The following RTCA variants were observed in gnomAD, a reference collection of about 807,000 sequenced individuals.
RTCA encodes RNA 3'-terminal phosphate cyclase.
Under a neutral mutation model 46.1 loss-of-function variants are expected in RTCA, and 37 were observed. The observed-to-expected ratio is 0.80, with a 90% CI of 0.62 to 1.06. RTCA has a LOEUF of 1.06. RTCA is among the 50% of genes least tolerant of loss of function. The pLI, the probability that RTCA is intolerant of heterozygous loss-of-function variation, is 0.00. For synonymous variants in RTCA, 164 were observed against 158.3 expected (o/e 1.04, Z -0.27); for missense variants, 435 against 455.5 (o/e 0.95, Z 0.41).
At chr1:100,278,312 A>G (rs1013153592) in intron 8 of RTCA, among the ~76,000 whole-genome samples, 1 of 152,244 alleles carries the variant, frequency 6.6e-6, no homozygotes, top group Non-Finnish European at 1.5e-5. Flanking sequence ...TTTTTGTGAA[A>G]GGGAAATTTG....
chr1:100,275,213 G>C (rs1666308818), intron 6 of RTCA, among the ~76,000 whole-genome samples: 1 of 152,112 alleles, frequency 6.6e-6, no homozygotes, highest in Admixed American at 6.5e-5. Context: ...ATAAAGATGG[G>C]AACACTGGGG....
At chr1:100,285,385 A>G (rs1666966611) in intron 9 of RTCA, 63 bp downstream of exon 9, 1 of 1,083,274 alleles carries the variant, frequency 9.2e-7, no homozygotes, top group African/African-American at 1.6e-5. Flanking sequence ...GGTAGATTGA[A>G]TATCAATTTA....
rs1666442856 is a variant in RTCA, at chr1:100,277,255, T to C, written c.741-3T>C. On this transcript the variant is annotated splice_polypyrimidine_tract_variant and splice_region_variant and intron_variant, in intron 7 of 10. Coordinates refer to ENST00000370128, the MANE Select transcript of RTCA (RefSeq NM_003729.4). ...GGTAGTAATAACTTTTTTTCTTGCA[T>C]AGAATTATTGCTGAGACCTCCACTG... 6.2e-7 allele frequency: 1 copy of C among 1,613,088 alleles called. No homozygotes were observed. The highest frequency in any genetic ancestry group is 1.3e-5 in the African/African-American group (1 of 74,876).
intron 4 of RTCA, among the ~76,000 whole-genome samples, chr1:100,273,049 GCT>G (rs1666184245): frequency 6.6e-6 from 1 of 152,148 alleles, no homozygotes; most frequent in Non-Finnish European, 1.5e-5. Context: ...AGAATGGAAT[GCT>G]CTTCACCAAT....
At chr1:100,268,643 C>T (rs981014973) in intron 3 of RTCA, among the ~76,000 whole-genome samples, 5 of 152,158 alleles carry the variant, frequency 3.3e-5, no homozygotes, top group South Asian at 2.1e-4. Flanking sequence ...AATCCACCCA[C>T]GTTGGCCTCC....
rs573006381 is a variant in RTCA at position 100,278,674 on chromosome 1, C to CA, written c.799+1366dup. Among the ~76,000 whole-genome samples, 20 of 151,972 alleles carry CA rather than the reference C, an allele frequency of 1.3e-4. No individual in the cohort carries two copies. The East Asian group carries it at 2.1e-3, about 16-fold the overall frequency. ...TAAGCCACACTATTACTACTGAATA[C>CA]AAAAAAAATTAGGAATTCTTCAGTT... On this transcript the variant is annotated intron_variant, in intron 8 of 10. Coordinates refer to ENST00000370128, the MANE Select transcript of RTCA (RefSeq NM_003729.4).
At chr1:100,272,010 A>C (rs1408755717) in intron 4 of RTCA, among the ~76,000 whole-genome samples, 1 of 152,192 alleles carries the variant, frequency 6.6e-6, no homozygotes, top group Admixed American at 6.5e-5. Flanking sequence ...TTGTATCTGC[A>C]ATGAAAACTT....
intron 8 of RTCA, among the ~76,000 whole-genome samples, chr1:100,283,572 G>C (rs188693957): frequency 1.3e-5 from 2 of 152,170 alleles, no homozygotes; most frequent in East Asian, 3.9e-4. Flanking sequence ...TTATGTACTA[G>C]TCTGGGTAAT....
chr1:100,267,011 C>G (rs941770215), intron 2 of RTCA: 7 of 250,088 alleles, frequency 2.8e-5, no homozygotes, highest in African/African-American at 1.3e-4. Flanking sequence ...CATTCTGGTT[C>G]TGCTGTCAGT....
intron 4 of RTCA, among the ~76,000 whole-genome samples, chr1:100,272,826 A>G (rs1417802824): frequency 2.0e-5 from 3 of 152,236 alleles, no homozygotes; most frequent in Admixed American, 1.3e-4. Flanking sequence ...ATTTGAACAG[A>G]GCATTATATA....
At chr1:100,290,253 A>C (rs765442885) in intron 10 of RTCA, among the ~76,000 whole-genome samples, 1 of 151,868 alleles carries the variant, frequency 6.6e-6, no homozygotes. Context: ...AACTTAACCT[A>C]TTTAATTGTT....
At chr1:100,271,349 C>T (rs977704835) in intron 4 of RTCA, among the ~76,000 whole-genome samples, 1 of 152,028 alleles carries the variant, frequency 6.6e-6, no homozygotes, top group African/African-American at 2.4e-5. Context: ...TGGTGGTGCA[C>T]ACCTGTCCAA....
rs754256712 is a variant in RTCA, at chr1:100,266,353, G to C, written c.-23G>C. The C allele has an allele frequency of 1.2e-6, 2 of 1,607,196 alleles. No homozygotes were observed. The highest frequency in any genetic ancestry group is 1.7e-6 in the Non-Finnish European group (2 of 1,178,240). On this transcript the variant is annotated 5_prime_UTR_variant, in exon 1 of 11. Coordinates refer to ENST00000370128, the MANE Select transcript of RTCA (RefSeq NM_003729.4). ...CTCTGGCGGAGGCTTTGTCGCTGCG[G>C]GCTGGGCCCCAGGGTGTCCCCCATG...
intron 7 of RTCA, among the ~76,000 whole-genome samples, chr1:100,276,564 C>T (rs1423671644): frequency 6.6e-6 from 1 of 152,056 alleles, no homozygotes; most frequent in Non-Finnish European, 1.5e-5. Flanking sequence ...GTAGTCCCAG[C>T]TACTTGGGAG....
At chr1:100,267,632 A>G in intron 2 of RTCA, 1 of 1,309,656 alleles carries the variant, frequency 7.6e-7, no homozygotes, top group Non-Finnish European at 1.0e-6. Context: ...CCTTGCCCCT[A>G]GCGTCTCTGT....
intron 2 of RTCA, chr1:100,266,981 A>T: frequency 6.8e-6 from 2 of 293,586 alleles, no homozygotes; most frequent in South Asian, 7.0e-5. Context: ...GCCAGAGGAA[A>T]CCCTGTTTTA....
intron 8 of RTCA, among the ~76,000 whole-genome samples, chr1:100,282,972 A>C (rs959531286): frequency 3.3e-5 from 5 of 149,408 alleles, no homozygotes; most frequent in African/African-American, 9.9e-5. Flanking sequence ...ATGCCTGGCT[A>C]TTTTAGTAGA....
intron 4 of RTCA, 51 bp downstream of exon 4, chr1:100,270,731 A>C: frequency 6.3e-7 from 1 of 1,592,844 alleles, no homozygotes; most frequent in Non-Finnish European, 8.6e-7. Flanking sequence ...CATGCTTCTG[A>C]GTCTCCATTC....
rs1209440401 is a variant in RTCA at position 100,275,634 on chromosome 1, C to A, written c.651C>A (p.Cys217Ter). Residue 217 changes from cysteine to a stop codon, truncating the protein, a stop_gained, in exon 7 of 11, where the codon TGC (cysteine) becomes TGA (stop). Coordinates refer to ENST00000370128, the MANE Select transcript of RTCA (RefSeq NM_003729.4). LOFTEE classifies it high-confidence loss of function. ...ATATGGCAGCGGCAGCAGTTAGATG[C>A]ATCAGAAAGGAGATCCGGGATTTGT... ...AKDMAAAAVR[C>*]IRKEIRDLYV... The A allele has an allele frequency of 1.9e-6, 3 of 1,611,536 alleles. No individual in the cohort carries two copies. The highest frequency in any genetic ancestry group is 8.5e-7 in the Non-Finnish European group (1 of 1,178,686).
Sources: allele counts gnomAD v4.1 joint callset (sites outside exome capture counted in the v4.1 genomes callset), GRCh38; gene constraint gnomAD v4.1.1; transcripts MANE v1.5; gene names NCBI Gene and HGNC (gene_info 2026-07-23, HGNC 2026-07-21).